RBFOX3: variants seen among roughly 807,000 people sequenced by gnomAD.
The protein encoded by RBFOX3 is RNA binding fox-1 homolog 3.
A neutral mutation model predicts 48.7 loss-of-function variants in RBFOX3; 17 were observed. The observed-to-expected ratio is 0.35, with a 90% CI of 0.24 to 0.52. The LOEUF is 0.52. Ranked by LOEUF, RBFOX3 falls within the 20% of genes least tolerant of loss-of-function variation. The pLI is 0.94. For missense variants in RBFOX3, 382 were observed against 497.5 expected (o/e 0.77, Z 2.21); for synonymous variants, 212 against 209.5 (o/e 1.01, Z -0.10).
At chr17:79,406,257 G>C (rs2063519584) in intron 2 of RBFOX3, among the ~76,000 whole-genome samples, 1 of 152,048 alleles carries the variant, frequency 6.6e-6, no homozygotes, top group South Asian at 2.1e-4. Context: ...CTCTCTTTTT[G>C]CTCGTTCTCC....
intron 1 of RBFOX3, among the ~76,000 whole-genome samples, chr17:79,522,033 G>A (rs983584048): frequency 4.6e-5 from 7 of 152,154 alleles, no homozygotes; most frequent in African/African-American, 1.2e-4. Flanking sequence ...TTCACCCGAC[G>A]GAATCTTGGA....
intron 4 of RBFOX3, among the ~76,000 whole-genome samples, chr17:79,190,435 A>AAAC (rs2054282458): frequency 2.0e-5 from 3 of 149,630 alleles, no homozygotes; most frequent in Non-Finnish European, 3.0e-5. Flanking sequence ...AAAAAAACAA[A>AAAC]AAAACAGAGT....
chr17:79,419,017 G>A (rs893188705), intron 2 of RBFOX3, among the ~76,000 whole-genome samples: 3 of 152,180 alleles, frequency 2.0e-5, no homozygotes, highest in African/African-American at 4.8e-5. Flanking sequence ...GGACCGTATC[G>A]TCCAAGCTCA....
intron 2 of RBFOX3, among the ~76,000 whole-genome samples, chr17:79,320,632 C>G (rs1255740189): frequency 6.6e-6 from 1 of 152,162 alleles, no homozygotes; most frequent in African/African-American, 2.4e-5. Flanking sequence ...GCAACGAAAC[C>G]ACGAGTCTGT....
chr17:79,512,339 C>T (rs1374447771), intron 1 of RBFOX3, among the ~76,000 whole-genome samples: 3 of 125,938 alleles, frequency 2.4e-5, no homozygotes, highest in African/African-American at 6.1e-5. Context: ...GTGTTACCAT[C>T]GGATACAGCC....
At position 79,090,682 on chromosome 17, in the gene RBFOX3, G is replaced by T; in HGVS notation, c.*201C>A. ...CCGTCCTGTCCTGGGGCCGCTCCTC[G>T]GCGCCCCTGCCGGCGTGCTCCCTCG... On this transcript the variant is annotated 3_prime_UTR_variant, in exon 15 of 15. Coordinates refer to ENST00000693108, the MANE Select transcript of RBFOX3 (RefSeq NM_001350451.2). 3.1e-6 allele frequency: 2 copies of T among 646,580 alleles called. No homozygotes were observed. Among genetic ancestry groups the T allele is most frequent in the South Asian group, 4.3e-5 (2 of 46,422 alleles). The allele number at this position is 646,580 out of a possible 1,614,324, so 40.1% of individuals were successfully genotyped here. A position where few individuals can be genotyped will look rare whatever the true frequency, so the allele number is the denominator to read the frequency against.
chr17:79,474,905 C>T (rs957582608), intron 2 of RBFOX3, among the ~76,000 whole-genome samples: 6 of 152,148 alleles, frequency 3.9e-5, no homozygotes, highest in Non-Finnish European at 7.4e-5. Context: ...TCCTACCTTT[C>T]CTTCCAATTC....
intron 2 of RBFOX3, among the ~76,000 whole-genome samples, chr17:79,343,015 G>T (rs2082340823): frequency 6.6e-6 from 1 of 152,004 alleles, no homozygotes; most frequent in Admixed American, 6.5e-5. Context: ...ACCTGGTAAT[G>T]CTATATTTCA....
intron 2 of RBFOX3, among the ~76,000 whole-genome samples, chr17:79,355,599 G>A (rs913168512): frequency 8.7e-5 from 13 of 149,402 alleles, no homozygotes; most frequent in African/African-American, 2.7e-4. Flanking sequence ...TTTTTTTTCC[G>A]AAACGGAGTC....
intron 1 of RBFOX3, among the ~76,000 whole-genome samples, chr17:79,506,313 G>C (rs1343722322): frequency 1.3e-5 from 2 of 152,170 alleles, no homozygotes; most frequent in African/African-American, 2.4e-5. Flanking sequence ...TTGGCTGTGT[G>C]GCTCTTCTTG....
intron 4 of RBFOX3, among the ~76,000 whole-genome samples, chr17:79,142,790 G>T (rs539520950): frequency 1.3e-5 from 2 of 152,178 alleles, no homozygotes; most frequent in South Asian, 2.1e-4. Flanking sequence ...ACAGGGGCAG[G>T]GACACAGCCC....
chr17:79,125,806 C>A (rs2037085205), intron 4 of RBFOX3, among the ~76,000 whole-genome samples: 1 of 152,230 alleles, frequency 6.6e-6, no homozygotes, highest in Non-Finnish European at 1.5e-5. Context: ...CGGGCCATTT[C>A]TCCAGCACCT....
At chr17:79,343,097 A>G (rs1040445714) in intron 2 of RBFOX3, among the ~76,000 whole-genome samples, 2 of 152,300 alleles carry the variant, frequency 1.3e-5, no homozygotes, top group Middle Eastern at 3.4e-3. Flanking sequence ...CCAATCAATA[A>G]CAATCCAGCC....
At chr17:79,213,367 T>C (rs927904673) in intron 4 of RBFOX3, among the ~76,000 whole-genome samples, 10 of 152,180 alleles carry the variant, frequency 6.6e-5, no homozygotes, top group African/African-American at 2.4e-4. Context: ...CAAGGGAAGC[T>C]GTGTCTTCAC....
intron 2 of RBFOX3, among the ~76,000 whole-genome samples, chr17:79,367,104 C>T (rs1268104141): frequency 1.3e-5 from 2 of 152,058 alleles, no homozygotes; most frequent in Admixed American, 1.3e-4. Context: ...CTCGCTCCCA[C>T]ATGAGTGCTG....
At chr17:79,266,444 G>T (rs115284638) in intron 3 of RBFOX3, among the ~76,000 whole-genome samples, 1 of 152,196 alleles carries the variant, frequency 6.6e-6, no homozygotes, top group African/African-American at 2.4e-5. Flanking sequence ...TTCTTAGGGG[G>T]TATTATTCAG....
chr17:79,445,618 C>T lies in RBFOX3; in HGVS notation c.-175+36836G>A, dbSNP rs187392607. On this transcript the variant is annotated intron_variant, in intron 2 of 14. Transcript: ENST00000693108. ...CTTGCTGTGCCGAGCTCAGAGCCCA[C>T]AAAAAGCATCTGTCTGCACAGCCTG... Among the ~76,000 whole-genome samples, 564 of 152,296 alleles carry T rather than the reference C, an allele frequency of 3.7e-3. 4 individuals are homozygous for T. Among genetic ancestry groups the T allele is most frequent in the African/African-American group, 0.013 (523 of 41,568 alleles).
intron 1 of RBFOX3, among the ~76,000 whole-genome samples, chr17:79,492,647 C>G (rs2080863220): frequency 6.6e-6 from 1 of 152,248 alleles, no homozygotes; most frequent in Non-Finnish European, 1.5e-5. Flanking sequence ...CTCCCAGATT[C>G]CTGAACCTCA....
intron 2 of RBFOX3, among the ~76,000 whole-genome samples, chr17:79,386,393 G>A (rs1191642686): frequency 6.6e-6 from 1 of 151,924 alleles, no homozygotes; most frequent in African/African-American, 2.4e-5. Context: ...ATCACCTCCT[G>A]TAAAAGGTGG....
Sources: gnomAD v4.1 joint callset for allele counts (sites outside exome capture counted in the v4.1 genomes callset) on GRCh38, gnomAD v4.1.1 for gene constraint, MANE v1.5 for transcripts, NCBI Gene and HGNC (gene_info 2026-07-23, HGNC 2026-07-21) for gene names.